NCOA1: variants seen among roughly 807,000 people sequenced by gnomAD.
NCOA1 encodes the protein Hin-2 protein.
A neutral mutation model predicts 150.9 loss-of-function variants in NCOA1; 35 were observed. The ratio of observed to expected loss-of-function variants is 0.23; its 90% confidence interval spans 0.18 to 0.31. NCOA1 has a LOEUF of 0.31. Among genes scored for constraint, NCOA1 ranks in the 10% least tolerant of loss-of-function variants. NCOA1 has a pLI of 1.00. For synonymous variants in NCOA1, 590 were observed against 630.0 expected, an observed-to-expected ratio of 0.94 and a Z score of 0.95; for missense variants, 1,491 against 1,749.3, an observed-to-expected ratio of 0.85 and a Z score of 2.63.
At chr2:24,609,614 T>A (rs908233396) in intron 3 of NCOA1, among the ~76,000 whole-genome samples, 1 of 152,116 alleles carries the variant, frequency 6.6e-6, no homozygotes, top group East Asian at 1.9e-4. Flanking sequence ...CTGGGTAACA[T>A]AGCGAGACCT....
chr2:24,655,544 G>A (rs926412222), intron 4 of NCOA1, among the ~76,000 whole-genome samples: 2 of 152,152 alleles, frequency 1.3e-5, no homozygotes, highest in African/African-American at 4.8e-5. Context: ...ATGTTTAGGA[G>A]ATTGGATGTT....
At chr2:24,553,220 CCTT>C (rs201743686) in intron 1 of NCOA1, among the ~76,000 whole-genome samples, 3,683 of 151,518 alleles carry the variant, frequency 0.024, 45 homozygotes, top group South Asian at 0.032. Flanking sequence ...TTTTCAAATG[CCTT>C]CTTTTTTTTT....
At chr2:24,721,544 G>A (rs2148625745) in intron 14 of NCOA1, among the ~76,000 whole-genome samples, 1 of 152,320 alleles carries the variant, frequency 6.6e-6, no homozygotes, top group East Asian at 1.9e-4. Context: ...TGAGGAATAG[G>A]CCTTGGAGGT....
intron 18 of NCOA1, among the ~76,000 whole-genome samples, chr2:24,739,808 C>T (rs1389340168): frequency 2.6e-5 from 4 of 152,030 alleles, no homozygotes; most frequent in East Asian, 3.9e-4. Flanking sequence ...ATTTCTGTAG[C>T]GAATAGCACC....
chr2:24,570,863 T>A (rs1451395682), intron 2 of NCOA1, among the ~76,000 whole-genome samples: 1 of 152,136 alleles, frequency 6.6e-6, no homozygotes, highest in Non-Finnish European at 1.5e-5. Context: ...GAGCAAATTG[T>A]AGGGAGAAAA....
At position 24,726,754 on chromosome 2, in the gene NCOA1, A is replaced by G. The variant is rs759822101; in HGVS notation, c.2717+48A>G. The G allele has an allele frequency of 2.5e-5, 30 of 1,192,810 alleles. No individual in the cohort carries two copies. In the African/African-American group the frequency reaches 4.5e-4, roughly 18 times the overall value. The allele number at this position is 1,192,810 out of a possible 1,614,324, so 73.9% of individuals were successfully genotyped here. A position where few individuals can be genotyped will look rare whatever the true frequency, so the allele number is the denominator to read the frequency against. ...TATAAGGTATCAGATACCAACTTCT[A>G]AACAGAGAACTATTTTTTCCAAACT... On this transcript the variant is annotated intron_variant, in intron 15 of 22. Coordinates refer to ENST00000348332, the MANE Select transcript of NCOA1 (RefSeq NM_003743.5).
At chr2:24,639,365 A>G (rs1444273981) in intron 3 of NCOA1, among the ~76,000 whole-genome samples, 1 of 152,120 alleles carries the variant, frequency 6.6e-6, no homozygotes, top group Non-Finnish European at 1.5e-5. Context: ...TCAGAACACT[A>G]TATTTGTATG....
At position 24,768,492 on chromosome 2, in the gene NCOA1, T is replaced by G; in HGVS notation, c.*101T>G. ...TTTTTGATATCTCAATCTGCAGCCATTCTTCAGGTCGTAGCATTTGGAGCA... is the reference window on the plus strand; with the variant it reads ...TTTTTGATATCTCAATCTGCAGCCAGTCTTCAGGTCGTAGCATTTGGAGCA... On this transcript the variant is annotated 3_prime_UTR_variant, in exon 23 of 23. Coordinates refer to ENST00000348332, the MANE Select transcript of NCOA1 (RefSeq NM_003743.5). The G allele has an allele frequency of 2.7e-5, 12 of 447,454 alleles. No homozygotes were observed. The highest frequency in any genetic ancestry group is 3.1e-5 in the Non-Finnish European group (9 of 294,892). 27.7% of individuals were successfully genotyped at this position (447,454 alleles called of 1,614,324 possible).
chr2:24,696,435 A>G (rs1425025466), intron 10 of NCOA1, among the ~76,000 whole-genome samples: 1 of 152,174 alleles, frequency 6.6e-6, no homozygotes, highest in East Asian at 1.9e-4. Context: ...TTAGACCACA[A>G]TGAGATAGCA....
In NCOA1 at chr2:24,646,706, C is replaced by CTT. The variant is rs79399130; in HGVS notation, c.-18+2597_-18+2598dup. Among the ~76,000 whole-genome samples the CTT allele has an allele frequency of 1.4e-4, 19 of 132,308 alleles. No individual in the cohort carries two copies. The East Asian group carries it at 3.4e-3, about 24-fold the overall frequency. 86.8% of individuals were successfully genotyped at this position (132,308 alleles called of 152,430 possible). A position where few individuals can be genotyped will look rare whatever the true frequency, so the allele number is the denominator to read the frequency against. Reference sequence around the variant, plus strand: ...CATGGATTTTTCTTTTTTCTTCTTTCTTTTTTTTTTTTTTAATGAAAAGGT... The same window carrying CTT: ...CATGGATTTTTCTTTTTTCTTCTTTCTTTTTTTTTTTTTTTTAATGAAAAGGT... On this transcript the variant is annotated intron_variant, in intron 4 of 22. Coordinates refer to ENST00000348332, the MANE Select transcript of NCOA1 (RefSeq NM_003743.5).
At chr2:24,567,336 C>T (rs983061973) in intron 2 of NCOA1, among the ~76,000 whole-genome samples, 3 of 152,178 alleles carry the variant, frequency 2.0e-5, no homozygotes, top group Non-Finnish European at 4.4e-5. Context: ...GTACCAGAGC[C>T]ATTTTACTTG....
chr2:24,726,144 C>T (rs1674609071), intron 14 of NCOA1, among the ~76,000 whole-genome samples: 1 of 152,090 alleles, frequency 6.6e-6, no homozygotes, highest in Non-Finnish European at 1.5e-5. Context: ...TCATTTGCTG[C>T]ATGGCCTCAG....
chr2:24,662,487 A>C (rs1293775470), intron 5 of NCOA1, among the ~76,000 whole-genome samples: 1 of 152,148 alleles, frequency 6.6e-6, no homozygotes, highest in Non-Finnish European at 1.5e-5. Context: ...GGAGCTTACA[A>C]ATCTGGTCAT....
chr2:24,769,351 C>T lies in NCOA1; in HGVS notation c.*960C>T, dbSNP rs1441622799. Reference sequence around the variant, plus strand: ...TGCTTTTATTATACTCTTGATTTTTCTAAATTTGTGTGTGAAATATAACAT... The same window carrying T: ...TGCTTTTATTATACTCTTGATTTTTTTAAATTTGTGTGTGAAATATAACAT... On this transcript the variant is annotated 3_prime_UTR_variant, in exon 23 of 23. Transcript: ENST00000348332. The T allele has an allele frequency of 5.3e-6, 1 of 187,116 alleles. No homozygotes were observed. The highest frequency in any genetic ancestry group is 1.1e-5 in the Non-Finnish European group (1 of 88,624). The allele number at this position is 187,116 out of a possible 1,614,324, so 11.6% of individuals were successfully genotyped here.
chr2:24,717,220 C>T (rs1420051981), intron 14 of NCOA1, among the ~76,000 whole-genome samples: 1 of 152,192 alleles, frequency 6.6e-6, no homozygotes, highest in East Asian at 1.9e-4. Flanking sequence ...TAAACATACT[C>T]TTACCATATG....
chr2:24,525,516 A>G (rs1037758393), intron 1 of NCOA1, among the ~76,000 whole-genome samples: 1 of 150,578 alleles, frequency 6.6e-6, no homozygotes, highest in African/African-American at 2.4e-5. Context: ...GGAAATAGCT[A>G]CTTCAGGTTG....
At chr2:24,511,904 A>G (rs916760560) in intron 1 of NCOA1, among the ~76,000 whole-genome samples, 6 of 151,138 alleles carry the variant, frequency 4.0e-5, no homozygotes, top group African/African-American at 1.5e-4. Flanking sequence ...TTAGATCCCA[A>G]TTTTTTTTTA....
At chr2:24,613,237 A>G (rs1668712836) in intron 3 of NCOA1, among the ~76,000 whole-genome samples, 1 of 152,158 alleles carries the variant, frequency 6.6e-6, no homozygotes, top group Admixed American at 6.5e-5. Flanking sequence ...AAGCCAGTAG[A>G]TGGCGCTTAC....
At chr2:24,691,383 T>C in intron 8 of NCOA1, 98 bp from the exon 9 acceptor site, 1 of 1,084,674 alleles carries the variant, frequency 9.2e-7, no homozygotes, top group Non-Finnish European at 1.3e-6. Context: ...AATCTGAGTA[T>C]CTAATTAAGC....
Sources: gnomAD v4.1 joint callset for allele counts (sites outside exome capture counted in the v4.1 genomes callset) on GRCh38, gnomAD v4.1.1 for gene constraint, MANE v1.5 for transcripts, NCBI Gene and HGNC (gene_info 2026-07-23, HGNC 2026-07-21) for gene names.